The following FRMPD4 variants were observed in gnomAD, a reference collection of about 807,000 sequenced individuals.
The protein encoded by FRMPD4 is FERM and PDZ domain-containing protein 4.
FRMPD4 carries 22 observed loss-of-function variants against 94.1 expected under a neutral mutation model. The ratio of observed to expected loss-of-function variants is 0.23; its 90% CI spans 0.17 to 0.33. The LOEUF (loss-of-function observed/expected upper bound fraction) is 0.33. Ranked by LOEUF, FRMPD4 falls within the 10% of genes least tolerant of loss-of-function variation. The probability of loss-of-function intolerance (pLI) is 1.00; values close to 1 mark genes in which losing one functional copy is unlikely to be tolerated. For missense variants in FRMPD4, 1,111 were observed against 1,339.9 expected (o/e 0.83, Z 2.67); for synonymous variants, 631 against 548.6 (o/e 1.15, Z -2.10).
At chrX:12,390,220 C>T (rs943801985) in intron 1 of FRMPD4, among the ~76,000 whole-genome samples, 1 of 112,049 alleles carries the variant, frequency 8.9e-6, no homozygotes, top group African/African-American at 3.2e-5. Context: ...GAGGAGAGAA[C>T]TTGTCAATGG....
chrX:12,182,615 G>T (rs2056374768), intron 1 of FRMPD4, among the ~76,000 whole-genome samples: 1 of 109,416 alleles, frequency 9.1e-6, no homozygotes. Context: ...GTCTTAGTTG[G>T]CCCTGCTTTG....
chrX:11,841,366 G>T (rs772411474), intron 1 of FRMPD4, among the ~76,000 whole-genome samples: 18 of 110,343 alleles, frequency 1.6e-4, no homozygotes, highest in African/African-American at 5.6e-4. Flanking sequence ...CCCACCAACA[G>T]TGTAAAAGTG....
intron 2 of FRMPD4, among the ~76,000 whole-genome samples, chrX:12,525,280 T>C (rs146931387): frequency 1.1e-4 from 12 of 111,758 alleles, no homozygotes; most frequent in African/African-American, 3.2e-4. Flanking sequence ...TTTTGAAGTT[T>C]AGGCACAACT....
chrX:12,596,506 TAGAA>T (rs1197157833), intron 2 of FRMPD4, among the ~76,000 whole-genome samples: 1 of 110,307 alleles, frequency 9.1e-6, no homozygotes, highest in Non-Finnish European at 1.9e-5. Context: ...CCTGCTGAAA[TAGAA>T]AGCCTTCCCT....
chrX:11,914,231 A>G (rs191182045), intron 3 of FRMPD4, among the ~76,000 whole-genome samples: 1 of 111,412 alleles, frequency 9.0e-6, no homozygotes, highest in East Asian at 2.8e-4. Flanking sequence ...TGCATTGCAC[A>G]GTGTCCTTCA....
chrX:12,170,201 A>G (rs1282606926), intron 1 of FRMPD4, among the ~76,000 whole-genome samples: 2 of 98,235 alleles, frequency 2.0e-5, no homozygotes, highest in Non-Finnish European at 4.1e-5. Context: ...TTTTTTTTTC[A>G]GTGACAACAA....
intron 3 of FRMPD4, among the ~76,000 whole-genome samples, chrX:12,110,473 G>A (rs889594865): frequency 5.4e-5 from 6 of 111,610 alleles, no homozygotes; most frequent in Non-Finnish European, 9.4e-5. Context: ...ATACTGAATG[G>A]GCAAAAACTG....
intron 1 of FRMPD4, among the ~76,000 whole-genome samples, chrX:12,485,753 A>G (rs890199229): frequency 9.0e-6 from 1 of 110,900 alleles, no homozygotes; most frequent in Non-Finnish European, 1.9e-5. Context: ...TACTAAAAAT[A>G]CAAAAATTAG....
intron 1 of FRMPD4, among the ~76,000 whole-genome samples, chrX:12,155,536 T>C (rs1009779022): frequency 2.2e-4 from 20 of 89,794 alleles, no homozygotes; most frequent in African/African-American, 9.0e-4. Flanking sequence ...CTGAACCTCT[T>C]ATCATTGTAG....
In FRMPD4 at chrX:12,346,703, G is replaced by T. The variant is rs753313037; in HGVS notation, c.42-151977G>T. ...TTTTTTATTCTTCAGTCACCTTCTT[G>T]ATTTGCCCCTCTATTTGTTGAGGGA... is the stretch of plus-strand genomic sequence containing the variant. On this transcript the variant is annotated intron_variant, in intron 1 of 16. Coordinates refer to ENST00000675598, the MANE Select transcript of FRMPD4 (RefSeq NM_001368397.1). 2.7e-5 allele frequency among the ~76,000 whole-genome samples: 3 copies of T among 111,016 alleles called. No individual in the cohort carries two copies. In the Admixed American group the frequency reaches 2.9e-4, roughly 11 times the overall value.
At chrX:12,417,066 T>C (rs750032590) in intron 1 of FRMPD4, among the ~76,000 whole-genome samples, 1 of 111,233 alleles carries the variant, frequency 9.0e-6, no homozygotes, top group Non-Finnish European at 1.9e-5. Context: ...CGTGTCTGAC[T>C]CTTATGTGTT....
intron 1 of FRMPD4, among the ~76,000 whole-genome samples, chrX:12,193,162 CTCT>C (rs1187323115): frequency 1.8e-5 from 2 of 111,348 alleles, no homozygotes; most frequent in African/African-American, 3.3e-5. Flanking sequence ...TCCAAATCAG[CTCT>C]TCTTGTTTTT....
intron 3 of FRMPD4, among the ~76,000 whole-genome samples, chrX:12,066,859 T>A (rs1878398336): frequency 9.7e-6 from 1 of 103,209 alleles, no homozygotes; most frequent in African/African-American, 3.5e-5. Flanking sequence ...AGTCCCCAAG[T>A]TTTTTGTTTT....
At chrX:12,268,061 T>C in intron 1 of FRMPD4, among the ~76,000 whole-genome samples, 1 of 112,745 alleles carries the variant, frequency 8.9e-6, no homozygotes, top group African/African-American at 3.2e-5. Flanking sequence ...CATTCAGGGA[T>C]GCAAGCTCCT....
At chrX:12,066,722 C>A (rs1477546975) in intron 3 of FRMPD4, among the ~76,000 whole-genome samples, 2 of 108,586 alleles carry the variant, frequency 1.8e-5, no homozygotes, top group African/African-American at 6.7e-5. Context: ...AAAAAAAAAT[C>A]TGGATGGTTT....
intron 1 of FRMPD4, among the ~76,000 whole-genome samples, chrX:12,465,506 A>G (rs1252808534): frequency 9.0e-6 from 1 of 111,616 alleles, no homozygotes; most frequent in African/African-American, 3.3e-5. Flanking sequence ...AGCCTTTCCA[A>G]GCCCTAAGAT....
At chrX:12,578,553 G>T (rs1394010801) in intron 2 of FRMPD4, among the ~76,000 whole-genome samples, 1 of 97,148 alleles carries the variant, frequency 1.0e-5, no homozygotes, top group Admixed American at 1.1e-4. Context: ...CTTGTATTCT[G>T]AGATATATAT....
At chrX:12,067,579 G>A (rs2054932367) in intron 3 of FRMPD4, among the ~76,000 whole-genome samples, 1 of 109,210 alleles carries the variant, frequency 9.2e-6, no homozygotes, top group African/African-American at 3.3e-5. Context: ...CACCATGCCT[G>A]GCTAATTTTT....
At chrX:12,680,971 TG>T (rs1322951283) in intron 5 of FRMPD4, among the ~76,000 whole-genome samples, 19 of 111,427 alleles carry the variant, frequency 1.7e-4, no homozygotes, top group African/African-American at 6.2e-4. Context: ...TTATATCAAA[TG>T]ATATGCATCC....
Sources: gnomAD v4.1 joint callset for allele counts (sites outside exome capture counted in the v4.1 genomes callset) on GRCh38, gnomAD v4.1.1 for gene constraint, MANE v1.5 for transcripts, NCBI Gene and HGNC (gene_info 2026-07-23, HGNC 2026-07-21) for gene names.